The following CTNNA3 variants were observed in gnomAD, a reference collection of about 807,000 sequenced individuals.
CTNNA3 encodes catenin alpha 3.
CTNNA3 carries 76 observed loss-of-function variants against 95.7 expected under a neutral mutation model. The observed-to-expected ratio is 0.79, with a 90% confidence interval of 0.66 to 0.96. The LOEUF (loss-of-function observed/expected upper bound fraction) is 0.96, where lower values mean the gene tolerates loss of function less well. Among genes scored for constraint, CTNNA3 ranks in the 40% least tolerant of loss-of-function variants. The probability of loss-of-function intolerance (pLI) is 0.00; values close to 1 mark genes in which losing one functional copy is unlikely to be tolerated. For synonymous variants in CTNNA3, 431 were observed against 374.4 expected (o/e 1.15, Z -1.74); for missense variants, 1,191 against 1,089.8 (o/e 1.09, Z -1.31).
intron 3 of CTNNA3, among the ~76,000 whole-genome samples, chr10:67,580,631 C>A (rs11598073): frequency 0.13 from 19,362 of 149,710 alleles, 1,370 homozygotes; most frequent in East Asian, 0.29. Flanking sequence ...GGCATTGAAT[C>A]TATAAATTAC....
At chr10:66,563,923 GC>G (rs1564535488) in intron 10 of CTNNA3, among the ~76,000 whole-genome samples, 1 of 152,048 alleles carries the variant, frequency 6.6e-6, no homozygotes, top group East Asian at 1.9e-4. Context: ...GAGTTATCCC[GC>G]TTTTCCAGAC....
chr10:67,387,824 T>C (rs1347888334), intron 5 of CTNNA3, among the ~76,000 whole-genome samples: 1 of 152,014 alleles, frequency 6.6e-6, no homozygotes, highest in African/African-American at 2.4e-5. Context: ...TGGCAGGGTA[T>C]TCCAACAGAC....
At chr10:65,968,419 G>A (rs918201274) in intron 16 of CTNNA3, among the ~76,000 whole-genome samples, 11 of 152,010 alleles carry the variant, frequency 7.2e-5, no homozygotes, top group African/African-American at 2.7e-4. Context: ...AATAAAACCT[G>A]CTGAGACAGC....
chr10:65,990,916 C>T (rs909986636), intron 15 of CTNNA3, among the ~76,000 whole-genome samples: 3 of 151,814 alleles, frequency 2.0e-5, no homozygotes, highest in African/African-American at 7.2e-5. Context: ...TAGGTTTTAG[C>T]TGATCTTGAT....
chr10:66,263,636 C>T (rs1476102270), intron 13 of CTNNA3, among the ~76,000 whole-genome samples: 1 of 151,994 alleles, frequency 6.6e-6, no homozygotes, highest in Admixed American at 6.6e-5. Context: ...TCCCCTCTCC[C>T]TGTCCCAAAT....
At chr10:65,963,005 T>C (rs1324104968) in intron 17 of CTNNA3, among the ~76,000 whole-genome samples, 1 of 152,202 alleles carries the variant, frequency 6.6e-6, no homozygotes, top group African/African-American at 2.4e-5. Context: ...TGACTAGTGC[T>C]GCAATAAACA....
chr10:66,901,626 A>G (rs2132527064), intron 7 of CTNNA3, among the ~76,000 whole-genome samples: 1 of 152,350 alleles, frequency 6.6e-6, no homozygotes, highest in Middle Eastern at 3.4e-3. Flanking sequence ...TGTATTCAGG[A>G]GACCCACCTC....
At chr10:67,550,694 T>C (rs570899348) in intron 3 of CTNNA3, among the ~76,000 whole-genome samples, 4 of 145,188 alleles carry the variant, frequency 2.8e-5, no homozygotes, top group African/African-American at 8.3e-5. Context: ...AAGAAATTTC[T>C]TTATTCATAG....
At chr10:67,610,994 T>C (rs945763680) in intron 2 of CTNNA3, among the ~76,000 whole-genome samples, 5 of 152,152 alleles carry the variant, frequency 3.3e-5, no homozygotes, top group African/African-American at 1.2e-4. Flanking sequence ...ACCTTCATCG[T>C]AGATACAGGA....
At chr10:66,360,709 C>A (rs10997082) in intron 12 of CTNNA3, among the ~76,000 whole-genome samples, 1 of 37,932 alleles carries the variant, frequency 2.6e-5, no homozygotes, top group Non-Finnish European at 6.3e-5. Flanking sequence ...TCTTTCTTTC[C>A]TCCTTCCTTT....
chr10:67,401,725 C>T (rs984289781), intron 5 of CTNNA3, among the ~76,000 whole-genome samples: 14 of 152,114 alleles, frequency 9.2e-5, no homozygotes, highest in Non-Finnish European at 1.9e-4. Flanking sequence ...AACACAGCTG[C>T]AAATGTTAAC....
rs564062991 is a variant in CTNNA3 at position 66,612,499 on chromosome 10, A to C, written c.1374+9193T>G. ...CCCACTGGTTCTTAAGTGGGGCAAC[A>C]TCACTTTACTGGGAGGTTTATGGAA... On this transcript the variant is annotated intron_variant, in intron 10 of 17. Transcript: ENST00000433211. 2.0e-5 allele frequency among the ~76,000 whole-genome samples: 3 copies of C among 152,170 alleles called. No homozygotes were observed. The South Asian group carries it at 6.2e-4, about 32-fold the overall frequency.
At chr10:67,287,856 AAGAGTACCAAATAG>A (rs1346036521) in intron 5 of CTNNA3, among the ~76,000 whole-genome samples, 5 of 152,208 alleles carry the variant, frequency 3.3e-5, no homozygotes, top group African/African-American at 1.2e-4. Context: ...TTAGTCTTAA[AAGAGTACCAAATAG>A]ACTTTGAGTC....
intron 13 of CTNNA3, among the ~76,000 whole-genome samples, chr10:66,136,457 T>G (rs1013184223): frequency 2.0e-5 from 3 of 151,944 alleles, no homozygotes; most frequent in African/African-American, 7.2e-5. Flanking sequence ...TTTTACTAAA[T>G]TGGATAATAG....
intron 10 of CTNNA3, among the ~76,000 whole-genome samples, chr10:66,548,559 T>G (rs1258932694): frequency 6.6e-6 from 1 of 152,146 alleles, no homozygotes; most frequent in African/African-American, 2.4e-5. Context: ...TGTTATAGAT[T>G]TTTTTGTCAG....
chr10:66,007,033 C>A (rs2078901169), intron 15 of CTNNA3, among the ~76,000 whole-genome samples: 1 of 152,126 alleles, frequency 6.6e-6, no homozygotes, highest in Non-Finnish European at 1.5e-5. Context: ...GCACCCCCAC[C>A]ATTCTAGTCT....
chr10:66,112,786 T>C (rs1487195677), intron 13 of CTNNA3, among the ~76,000 whole-genome samples: 1 of 151,278 alleles, frequency 6.6e-6, no homozygotes, highest in African/African-American at 2.4e-5. Context: ...ACACTTGTCG[T>C]TGCATATGAC....
intron 7 of CTNNA3, among the ~76,000 whole-genome samples, chr10:67,047,765 T>C (rs145322636): frequency 2.4e-3 from 370 of 152,316 alleles, no homozygotes; most frequent in Middle Eastern, 6.8e-3. Flanking sequence ...TTTCATTTTC[T>C]AGCATTAACA....
chr10:66,949,913 C>T (rs1456735759), intron 7 of CTNNA3, among the ~76,000 whole-genome samples: 5 of 152,170 alleles, frequency 3.3e-5, no homozygotes, highest in African/African-American at 9.6e-5. Context: ...TTCAGAATCA[C>T]GGGCCTAAAG....
Sources: allele counts gnomAD v4.1 joint callset (sites outside exome capture counted in the v4.1 genomes callset), GRCh38; gene constraint gnomAD v4.1.1; transcripts MANE v1.5; gene names NCBI Gene and HGNC (gene_info 2026-07-23, HGNC 2026-07-21).